The following PIBF1 variants were observed in gnomAD, a reference collection of about 807,000 sequenced individuals.
PIBF1 encodes the protein progesterone-induced-blocking factor 1.
In PIBF1, 90 loss-of-function variants were observed where a neutral mutation model predicts 112.5. That is an observed-to-expected ratio of 0.80 (90% CI 0.67 to 0.95). The LOEUF is 0.95. PIBF1 is among the 40% of genes least tolerant of loss of function. The pLI is 0.00. For synonymous variants in PIBF1, 301 were observed against 288.6 expected (o/e 1.04, Z -0.44); for missense variants, 915 against 852.3 (o/e 1.07, Z -0.92).
intron 9 of PIBF1, among the ~76,000 whole-genome samples, chr13:72,850,419 T>C (rs1431601372): frequency 6.6e-6 from 1 of 152,250 alleles, no homozygotes; most frequent in African/African-American, 2.4e-5. Context: ...CTTAACATAG[T>C]ACTTAACATA....
intron 13 of PIBF1, among the ~76,000 whole-genome samples, chr13:72,927,276 T>C (rs2041516265): frequency 6.6e-6 from 1 of 151,920 alleles, no homozygotes; most frequent in Non-Finnish European, 1.5e-5. Flanking sequence ...GAGGCCGAGG[T>C]GGGCGGATCA....
Position 72,795,400 on chromosome 13 carries a change from T to G in PIBF1, c.395T>G (p.Leu132Trp), listed in dbSNP as rs767700555. Residue 132 changes from leucine to tryptophan, a missense_variant, in exon 4 of 18, where the codon TTG (leucine) becomes TGG (tryptophan). By Grantham distance (61) the Leu-to-Trp change is moderately conservative. Transcript: ENST00000326291. ...ATGAAACAAGAAATGGAAACCATTT[T>G]GTTGAGACAGAAACAACTAGAAGAG... ...ELMKQEMETI[L>W]LRQKQLEETN... is the part of the protein sequence containing the mutation. The G allele has an allele frequency of 3.7e-6, 6 of 1,603,966 alleles. No individual in the cohort carries two copies. Among genetic ancestry groups the G allele is most frequent in the Non-Finnish European group, 5.1e-6 (6 of 1,177,006 alleles).
intron 10 of PIBF1, among the ~76,000 whole-genome samples, chr13:72,878,290 AT>A (rs2039490629): frequency 1.3e-5 from 2 of 151,990 alleles, no homozygotes; most frequent in African/African-American, 4.8e-5. Flanking sequence ...TAATATACGT[AT>A]TTAATGCTGT....
chr13:72,892,981 A>G (rs2040118574), intron 10 of PIBF1, among the ~76,000 whole-genome samples: 4 of 152,146 alleles, frequency 2.6e-5, no homozygotes, highest in Admixed American at 2.0e-4. Flanking sequence ...TTTATCTACC[A>G]ATGTATACAC....
intron 11 of PIBF1, among the ~76,000 whole-genome samples, chr13:72,907,383 C>T (rs964605275): frequency 3.3e-5 from 5 of 151,990 alleles, no homozygotes; most frequent in African/African-American, 4.8e-5. Flanking sequence ...AAATAGTTGT[C>T]TTTAAAAGTG....
chr13:72,994,458 G>A (rs1425907043), intron 16 of PIBF1, among the ~76,000 whole-genome samples: 3 of 152,160 alleles, frequency 2.0e-5, no homozygotes, highest in African/African-American at 7.2e-5. Context: ...TACAGTATAA[G>A]AAAAAGAATC....
intron 2 of PIBF1, among the ~76,000 whole-genome samples, chr13:72,787,475 T>G (rs2034661293): frequency 6.6e-6 from 1 of 152,064 alleles, no homozygotes; most frequent in Admixed American, 6.6e-5. Context: ...TTCAATGAGG[T>G]CCAGCTCTAG....
At chr13:72,803,432 C>G (rs188215178) in intron 5 of PIBF1, among the ~76,000 whole-genome samples, 19 of 152,102 alleles carry the variant, frequency 1.2e-4, no homozygotes, top group African/African-American at 4.6e-4. Context: ...TAAGGCTCCC[C>G]ACTTTAGTGC....
chr13:72,802,372 T>TTG lies in PIBF1; in HGVS notation c.672+4346_672+4347insTG, dbSNP rs568991077. Among the ~76,000 whole-genome samples, 24 of 152,298 alleles carry TTG rather than the reference T, an allele frequency of 1.6e-4. No individual in the cohort carries two copies. The South Asian group carries it at 4.4e-3, about 28-fold the overall frequency. Reference sequence around the variant, plus strand: ...CTCTCCTGAGAACAGACTGTAGAGCTATAAGGATGGAAACAAAGAGACTTG... The same window carrying TTG: ...CTCTCCTGAGAACAGACTGTAGAGCTTGATAAGGATGGAAACAAAGAGACTTG... On this transcript the variant is annotated intron_variant, in intron 5 of 17. Coordinates refer to ENST00000326291, the MANE Select transcript of PIBF1 (RefSeq NM_006346.4).
intron 10 of PIBF1, among the ~76,000 whole-genome samples, chr13:72,873,093 C>T (rs2039233883): frequency 6.6e-6 from 1 of 152,002 alleles, no homozygotes; most frequent in African/African-American, 2.4e-5. Context: ...AATCAGCTAA[C>T]CTAAAATTTA....
intron 5 of PIBF1, among the ~76,000 whole-genome samples, chr13:72,801,746 C>T (rs1002127526): frequency 2.6e-5 from 4 of 152,124 alleles, no homozygotes; most frequent in African/African-American, 9.7e-5. Context: ...AGTGATTTCT[C>T]GCAGTTCTGG....
rs111422465 is a variant in PIBF1 at position 72,901,673 on chromosome 13, G to A, written c.1489-6858G>A. On this transcript the variant is annotated intron_variant, in intron 11 of 17. Coordinates refer to ENST00000326291, the MANE Select transcript of PIBF1 (RefSeq NM_006346.4). ...ACACTCCAGCCTGGGTGACAAGAGC[G>A]AGACTCCTTCTCAAGAAAAAAAAAA... Among the ~76,000 whole-genome samples the A allele has an allele frequency of 4.8e-4, 72 of 151,430 alleles. 1 individual carries two copies. Among genetic ancestry groups the A allele is most frequent in the African/African-American group, 1.7e-3 (70 of 41,306 alleles).
intron 14 of PIBF1, among the ~76,000 whole-genome samples, chr13:72,939,547 C>T (rs1487547764): frequency 6.6e-6 from 1 of 152,140 alleles, no homozygotes; most frequent in African/African-American, 2.4e-5. Flanking sequence ...CATATTGTAG[C>T]ATGTATCCAG....
intron 14 of PIBF1, among the ~76,000 whole-genome samples, chr13:72,936,430 G>A (rs1248695085): frequency 2.0e-5 from 3 of 152,038 alleles, no homozygotes; most frequent in Non-Finnish European, 1.5e-5. Context: ...AAATATCTTT[G>A]CCTAACCTAG....
At chr13:73,007,292 T>C (rs1444794007) in intron 17 of PIBF1, among the ~76,000 whole-genome samples, 1 of 146,138 alleles carries the variant, frequency 6.8e-6, no homozygotes, top group Non-Finnish European at 1.5e-5. Flanking sequence ...AGTTAATTTT[T>C]GTTTTTGTTT....
intron 11 of PIBF1, among the ~76,000 whole-genome samples, chr13:72,903,081 A>G (rs991185442): frequency 6.6e-6 from 1 of 151,718 alleles, no homozygotes; most frequent in Non-Finnish European, 1.5e-5. Context: ...TGTTTTTCGT[A>G]GAGACGAGGT....
At chr13:72,903,995 T>G (rs570411318) in intron 11 of PIBF1, among the ~76,000 whole-genome samples, 1 of 152,196 alleles carries the variant, frequency 6.6e-6, no homozygotes, top group Non-Finnish European at 1.5e-5. Flanking sequence ...CCTCAAAATA[T>G]TGTTTTGATG....
At chr13:72,966,683 C>T (rs528548376) in intron 15 of PIBF1, among the ~76,000 whole-genome samples, 18 of 152,110 alleles carry the variant, frequency 1.2e-4, no homozygotes, top group Admixed American at 5.2e-4. Context: ...CTGAGGCAGG[C>T]AGATCACCTG....
At chr13:72,836,451 AC>A (rs1461166202) in intron 9 of PIBF1, among the ~76,000 whole-genome samples, 1 of 152,044 alleles carries the variant, frequency 6.6e-6, no homozygotes, top group African/African-American at 2.4e-5. Context: ...TGGTATGTCC[AC>A]CCCTCAATTC....
Sources: gnomAD v4.1 joint callset for allele counts (sites outside exome capture counted in the v4.1 genomes callset) on GRCh38, gnomAD v4.1.1 for gene constraint, MANE v1.5 for transcripts, NCBI Gene and HGNC (gene_info 2026-07-23, HGNC 2026-07-21) for gene names.